Variants in NOX4 observed in about 807,000 individuals in gnomAD.
NOX4 encodes kidney oxidase-1.
A neutral mutation model predicts 87.6 loss-of-function variants in NOX4; 69 were observed. That is an observed-to-expected ratio of 0.79 (90% CI 0.65 to 0.96). The LOEUF is 0.96. NOX4 is among the 40% of genes least tolerant of loss of function. The pLI is 0.00. For missense variants in NOX4, 680 were observed against 681.5 expected (o/e 1.00, Z 0.02); for synonymous variants, 275 against 238.2 (o/e 1.15, Z -1.42).
chr11:89,531,142 A>G, the NOX4 span, among the ~76,000 whole-genome samples: 4 of 152,198 alleles, frequency 2.6e-5, no homozygotes, highest in Admixed American at 6.5e-5. Flanking sequence ...ATTTTCATCA[A>G]GAGGATAAAT....
At chr11:89,420,847 G>A (rs772684272) in intron 8 of NOX4, among the ~76,000 whole-genome samples, 2 of 152,118 alleles carry the variant, frequency 1.3e-5, no homozygotes, top group Non-Finnish European at 2.9e-5. Flanking sequence ...TGGACAGAAA[G>A]GACTGTGATT....
the NOX4 span, among the ~76,000 whole-genome samples, chr11:89,560,912 G>A: frequency 4.1e-5 from 6 of 145,622 alleles, no homozygotes; most frequent in Non-Finnish European, 7.5e-5. Flanking sequence ...TCAGGTTGCA[G>A]AAAGCCTGTC....
the NOX4 span, chr11:89,533,946 T>G: frequency 6.6e-6 from 1 of 152,248 alleles, no homozygotes; most frequent in Non-Finnish European, 1.5e-5. Flanking sequence ...TGTCTCAGGC[T>G]TGTCTCAAGC....
At chr11:89,519,726 A>G in the NOX4 span, among the ~76,000 whole-genome samples, 1 of 152,040 alleles carries the variant, frequency 6.6e-6, no homozygotes, top group African/African-American at 2.4e-5. Context: ...CTTAGCTAAC[A>G]TATATAAGCA....
chr11:89,519,199 G>A, the NOX4 span, among the ~76,000 whole-genome samples: 1 of 152,054 alleles, frequency 6.6e-6, no homozygotes, highest in Admixed American at 6.6e-5. Context: ...TAATCTGAGA[G>A]CATAAAAGAA....
the NOX4 span, among the ~76,000 whole-genome samples, chr11:89,503,851 T>C: frequency 4.8e-5 from 7 of 146,200 alleles, no homozygotes; most frequent in African/African-American, 1.8e-4. Context: ...CAATACACTT[T>C]GGGTTAGACA....
intron 12 of NOX4, among the ~76,000 whole-genome samples, chr11:89,362,296 C>A (rs2135009841): frequency 6.6e-6 from 1 of 152,150 alleles, no homozygotes; most frequent in Non-Finnish European, 1.5e-5. Flanking sequence ...GGGTGTGATG[C>A]ATGTGCATGT....
chr11:89,577,221 T>C, the NOX4 span: 1 of 152,212 alleles, frequency 6.6e-6, no homozygotes, highest in Non-Finnish European at 1.5e-5. Context: ...TATTTTAAAT[T>C]TCAATAATAT....
intron 6 of NOX4, among the ~76,000 whole-genome samples, chr11:89,434,984 A>G (rs1276165558): frequency 6.6e-6 from 1 of 152,076 alleles, no homozygotes; most frequent in African/African-American, 2.4e-5. Context: ...GATGCGTTAT[A>G]AAAGAGCACA....
chr11:89,549,598 G>A, the NOX4 span, among the ~76,000 whole-genome samples: 122 of 152,212 alleles, frequency 8.0e-4, 1 homozygote, highest in Non-Finnish European at 1.0e-3. Flanking sequence ...CCATCAACCC[G>A]TCATCTACAG....
chr11:89,587,243 G>A, the NOX4 span, among the ~76,000 whole-genome samples: 1 of 151,876 alleles, frequency 6.6e-6, no homozygotes, highest in Non-Finnish European at 1.5e-5. Flanking sequence ...GAGGATAGAG[G>A]CACCTCGATG....
chr11:89,415,191 G>A (rs1942693917), intron 8 of NOX4, among the ~76,000 whole-genome samples: 1 of 151,906 alleles, frequency 6.6e-6, no homozygotes, highest in Non-Finnish European at 1.5e-5. Context: ...TGTGTAAAGT[G>A]CTAAGAATAG....
the NOX4 span, among the ~76,000 whole-genome samples, chr11:89,571,964 C>A: frequency 6.6e-6 from 1 of 152,154 alleles, no homozygotes; most frequent in Non-Finnish European, 1.5e-5. Context: ...ATTCACTGAG[C>A]CAGACCAAAT....
the NOX4 span, among the ~76,000 whole-genome samples, chr11:89,530,196 T>A: frequency 6.6e-6 from 1 of 151,520 alleles, no homozygotes; most frequent in Non-Finnish European, 1.5e-5. Flanking sequence ...TCCCATGTTC[T>A]TTCCAGCTGT....
chr11:89,446,158 A>T (rs554707507), intron 4 of NOX4, among the ~76,000 whole-genome samples: 6 of 152,248 alleles, frequency 3.9e-5, no homozygotes, highest in African/African-American at 1.2e-4. Context: ...TAAAATGACA[A>T]GTTACCACTA....
chr11:89,586,991 G>T, the NOX4 span, among the ~76,000 whole-genome samples: 1 of 152,086 alleles, frequency 6.6e-6, no homozygotes, highest in African/African-American at 2.4e-5. Flanking sequence ...CTTAGAAAAT[G>T]GAGAGATTTT....
At chr11:89,580,821 G>A in the NOX4 span, among the ~76,000 whole-genome samples, 4 of 152,250 alleles carry the variant, frequency 2.6e-5, no homozygotes, top group South Asian at 8.3e-4. Flanking sequence ...GGAAATAATT[G>A]AAGTGTAACT....
chr11:89,575,634 A>G, the NOX4 span, among the ~76,000 whole-genome samples: 2 of 152,148 alleles, frequency 1.3e-5, no homozygotes, highest in African/African-American at 4.8e-5. Flanking sequence ...ATAAAATTAC[A>G]GTAGGAGCTG....
At chr11:89,511,022 T>G in the NOX4 span, among the ~76,000 whole-genome samples, 1 of 152,090 alleles carries the variant, frequency 6.6e-6, no homozygotes, top group South Asian at 2.1e-4. Context: ...ATTGCATTAT[T>G]TTTTCTAAAC....
Sources: gnomAD v4.1 joint callset for allele counts (sites outside exome capture counted in the v4.1 genomes callset) on GRCh38, gnomAD v4.1.1 for gene constraint, MANE v1.5 for transcripts, NCBI Gene and HGNC (gene_info 2026-07-23, HGNC 2026-07-21) for gene names.